The following SCFD2 variants were observed in gnomAD, a reference collection of about 807,000 sequenced individuals.
SCFD2 encodes the protein sec1 family domain-containing protein 2.
In SCFD2, 54 loss-of-function variants were observed where a neutral mutation model predicts 58.9. The observed-to-expected ratio is 0.92, with a 90% CI of 0.74 to 1.15. The LOEUF (loss-of-function observed/expected upper bound fraction) is 1.15. SCFD2 is among the 50% of genes most tolerant of loss of function. The pLI, the probability that SCFD2 is intolerant of heterozygous loss-of-function variation, is 0.00. For missense variants in SCFD2, 805 were observed against 836.6 expected (o/e 0.96, Z 0.47); for synonymous variants, 321 against 335.9 (o/e 0.96, Z 0.49).
At position 53,338,311 on chromosome 4, in the gene SCFD2, G is replaced by A. The variant is rs564659754; in HGVS notation, c.1007+14287C>T. ...AAGAGAAGGATACTTAAAAAGTACT[G>A]GAAGAAATAATAGCTGAAAACTTCT... On this transcript the variant is annotated intron_variant, in intron 2 of 8. Coordinates refer to ENST00000401642, the MANE Select transcript of SCFD2 (RefSeq NM_152540.4). Among the ~76,000 whole-genome samples, 7 of 152,212 alleles carry A rather than the reference G, an allele frequency of 4.6e-5. No homozygotes were observed. The South Asian group carries it at 1.2e-3, about 27-fold the overall frequency.
intron 4 of SCFD2, among the ~76,000 whole-genome samples, chr4:53,243,830 G>A (rs1403296388): frequency 2.0e-5 from 3 of 152,108 alleles, no homozygotes; most frequent in Non-Finnish European, 4.4e-5. Context: ...GCAGAAAAAA[G>A]CAAAGGTTTC....
intron 3 of SCFD2, among the ~76,000 whole-genome samples, chr4:53,303,411 A>G (rs773225897): frequency 1.3e-5 from 2 of 152,216 alleles, no homozygotes; most frequent in East Asian, 3.9e-4. Flanking sequence ...GATACCACCT[A>G]ACACCAGTTA....
chr4:53,104,068 G>A (rs1724916086), intron 5 of SCFD2, among the ~76,000 whole-genome samples: 1 of 152,046 alleles, frequency 6.6e-6, no homozygotes, highest in African/African-American at 2.4e-5. Context: ...AGGTTTTATA[G>A]ATGTTATGTA....
chr4:53,058,533 T>C (rs1371922777), intron 5 of SCFD2, among the ~76,000 whole-genome samples: 1 of 152,184 alleles, frequency 6.6e-6, no homozygotes, highest in African/African-American at 2.4e-5. Flanking sequence ...TAAAAATTGC[T>C]ATTTTCTAGG....
At chr4:52,937,370 G>C (rs1246402675) in intron 5 of SCFD2, among the ~76,000 whole-genome samples, 1 of 152,178 alleles carries the variant, frequency 6.6e-6, no homozygotes, top group Non-Finnish European at 1.5e-5. Flanking sequence ...AGAGACAAGA[G>C]CATGCACATG....
intron 5 of SCFD2, among the ~76,000 whole-genome samples, chr4:53,114,941 T>A (rs1560342291): frequency 6.6e-6 from 1 of 152,058 alleles, no homozygotes. Context: ...GTTAAGTATG[T>A]GTATTCTAAT....
intron 2 of SCFD2, among the ~76,000 whole-genome samples, chr4:53,347,868 G>A (rs1056593419): frequency 2.6e-5 from 4 of 152,238 alleles, no homozygotes; most frequent in Admixed American, 6.5e-5. Flanking sequence ...AGCAGAACCA[G>A]CAACACTGCA....
At chr4:53,205,561 T>C (rs1728379340) in intron 4 of SCFD2, among the ~76,000 whole-genome samples, 1 of 152,012 alleles carries the variant, frequency 6.6e-6, no homozygotes, top group Non-Finnish European at 1.5e-5. Context: ...TGATTCATGT[T>C]ATGAAAAAGT....
chr4:53,001,142 A>C (rs1031046882), intron 5 of SCFD2, among the ~76,000 whole-genome samples: 8 of 152,180 alleles, frequency 5.3e-5, no homozygotes, highest in African/African-American at 1.9e-4. Flanking sequence ...CCTTAGAACT[A>C]AGTTTGCTGA....
chr4:52,920,942 T>C, intron 5 of SCFD2, 72 bp from the exon 6 acceptor site: 2 of 894,536 alleles, frequency 2.2e-6, no homozygotes, highest in Non-Finnish European at 3.3e-6. Context: ...TTGAGCTCGA[T>C]GTAATGTAGT....
intron 5 of SCFD2, among the ~76,000 whole-genome samples, chr4:52,970,940 A>G (rs1008488979): frequency 6.6e-6 from 1 of 152,178 alleles, no homozygotes; most frequent in Non-Finnish European, 1.5e-5. Context: ...ACTCCAAAAG[A>G]CCTGCAGCTG....
intron 4 of SCFD2, among the ~76,000 whole-genome samples, chr4:53,261,272 G>A (rs1418805992): frequency 6.6e-6 from 1 of 151,886 alleles, no homozygotes; most frequent in Non-Finnish European, 1.5e-5. Context: ...TCTTCTGCTG[G>A]GTTTGGGTTT....
intron 4 of SCFD2, among the ~76,000 whole-genome samples, chr4:53,246,064 G>T (rs1299818449): frequency 6.6e-6 from 1 of 152,050 alleles, no homozygotes; most frequent in African/African-American, 2.4e-5. Flanking sequence ...GCCAAGCGGA[G>T]AGCCAAATCA....
intron 5 of SCFD2, among the ~76,000 whole-genome samples, chr4:53,079,247 A>G (rs1227194888): frequency 6.6e-6 from 1 of 152,192 alleles, no homozygotes; most frequent in East Asian, 1.9e-4. Context: ...TCTGGGGGGC[A>G]GAAGATGGAT....
intron 5 of SCFD2, among the ~76,000 whole-genome samples, chr4:52,994,678 G>A (rs370475431): frequency 7.1e-4 from 108 of 152,304 alleles, no homozygotes; most frequent in African/African-American, 2.5e-3. Flanking sequence ...CACTGTTGGC[G>A]ATTAAAGTCC....
chr4:53,326,725 C>T (rs1733210140), intron 2 of SCFD2, among the ~76,000 whole-genome samples: 2 of 152,112 alleles, frequency 1.3e-5, no homozygotes, highest in Admixed American at 6.6e-5. Flanking sequence ...AATGAAAACA[C>T]AAACCAACCA....
chr4:53,152,983 C>A (rs899375941), intron 4 of SCFD2, among the ~76,000 whole-genome samples: 1 of 152,228 alleles, frequency 6.6e-6, no homozygotes, highest in Admixed American at 6.5e-5. Flanking sequence ...CCTTTGACAG[C>A]CCTGCCCCTG....
chr4:52,966,560 A>C (rs17082226), intron 5 of SCFD2, among the ~76,000 whole-genome samples: 2,964 of 152,258 alleles, frequency 0.019, 105 homozygotes, highest in African/African-American at 0.068. Context: ...TACTCAACCA[A>C]GCAGCTCTTT....
intron 8 of SCFD2, among the ~76,000 whole-genome samples, chr4:52,875,032 A>G (rs2109435918): frequency 6.6e-6 from 1 of 152,276 alleles, no homozygotes; most frequent in Admixed American, 6.5e-5. Flanking sequence ...AGATACGTTT[A>G]TTTTTCCTGC....
Sources: allele counts gnomAD v4.1 joint callset (sites outside exome capture counted in the v4.1 genomes callset), GRCh38; gene constraint gnomAD v4.1.1; transcripts MANE v1.5; gene names NCBI Gene and HGNC (gene_info 2026-07-23, HGNC 2026-07-21).